The following FAM13C variants were observed in gnomAD, a reference collection of about 807,000 sequenced individuals.
The protein encoded by FAM13C is protein FAM13C.
FAM13C carries 37 observed loss-of-function variants against 73.2 expected under a neutral mutation model. The ratio of observed to expected loss-of-function variants is 0.51; its 90% confidence interval spans 0.39 to 0.67. FAM13C has a LOEUF of 0.67. Ranked by LOEUF, FAM13C falls within the 30% of genes least tolerant of loss-of-function variation. The pLI, the probability that FAM13C is intolerant of heterozygous loss-of-function variation, is 0.00. For missense variants in FAM13C, 589 were observed against 715.6 expected (o/e 0.82, Z 2.02); for synonymous variants, 246 against 260.9 (o/e 0.94, Z 0.55).
chr10:59,328,383 T>A (rs193214644), intron 3 of FAM13C, among the ~76,000 whole-genome samples: 15 of 152,358 alleles, frequency 9.8e-5, no homozygotes, highest in Non-Finnish European at 2.1e-4. Context: ...TGAGTTCAGC[T>A]GACTCTTGTA....
At chr10:59,309,952 T>C (rs959518926) in intron 4 of FAM13C, among the ~76,000 whole-genome samples, 1 of 152,168 alleles carries the variant, frequency 6.6e-6, no homozygotes, top group Non-Finnish European at 1.5e-5. Flanking sequence ...CTTCCACCTA[T>C]AGCATGCTAG....
At chr10:59,288,049 T>C (rs908673132) in intron 5 of FAM13C, among the ~76,000 whole-genome samples, 3 of 152,136 alleles carry the variant, frequency 2.0e-5, no homozygotes, top group Non-Finnish European at 4.4e-5. Context: ...ATGGAGTGGG[T>C]GCTTAGACAC....
intron 5 of FAM13C, among the ~76,000 whole-genome samples, chr10:59,286,350 A>AC (rs113290729): frequency 5.9e-5 from 9 of 151,774 alleles, no homozygotes; most frequent in African/African-American, 2.2e-4. Context: ...CCTCGTCTAT[A>AC]CTAAAAATAT....
chr10:59,351,504 C>T (rs578037937), intron 3 of FAM13C, among the ~76,000 whole-genome samples: 1 of 152,230 alleles, frequency 6.6e-6, no homozygotes, highest in Non-Finnish European at 1.5e-5. Flanking sequence ...AAACCAGATA[C>T]TACACACACA....
Position 59,252,974 on chromosome 10 carries a change from C to A in FAM13C, c.1357G>T (p.Asp453Tyr). 1 of 1,613,764 alleles carries A rather than the reference C, an allele frequency of 6.2e-7. No individual in the cohort carries two copies. The highest frequency in any genetic ancestry group is 1.1e-5 in the South Asian group (1 of 91,050). Reference protein sequence around the residue: ...TIQEEEDSDEDRPQGSQQPSL... With the variant: ...TIQEEEDSDEYRPQGSQQPSL... ...GGTTGTTGGCTTCCCTGTGGACGGT[C>A]TTCATCAGAGTCCTCTTCCTCCTGC... Residue 453 changes from aspartate (D) to tyrosine (Y), a missense_variant, in exon 12 of 14, where the codon GAC becomes TAC. Physicochemically the swap from Asp to Tyr is radical, Grantham distance 160. Coordinates refer to ENST00000618804, the MANE Select transcript of FAM13C (RefSeq NM_198215.4).
intron 3 of FAM13C, among the ~76,000 whole-genome samples, chr10:59,347,101 C>T (rs917984376): frequency 1.3e-5 from 2 of 152,102 alleles, no homozygotes; most frequent in Non-Finnish European, 2.9e-5. Flanking sequence ...AAGAGATAAA[C>T]AAGCAGAAAG....
At chr10:59,303,950 C>T (rs1458978875) in intron 4 of FAM13C, among the ~76,000 whole-genome samples, 1 of 152,046 alleles carries the variant, frequency 6.6e-6, no homozygotes, top group African/African-American at 2.4e-5. Context: ...GAGTTTGAGA[C>T]CAGCCTGGGC....
Position 59,352,265 on chromosome 10 carries a change from G to A in FAM13C, c.324+5C>T. ...GGCAAAAGCCTGAGAAGAGAGAGCT[G>A]CTACCTGACTTTCTCCGTGGCTCCT... On this transcript the variant is annotated splice_donor_5th_base_variant and intron_variant, in intron 3 of 13. Transcript: ENST00000618804. 1 of 1,613,390 alleles carries A rather than the reference G, an allele frequency of 6.2e-7. No individual in the cohort carries two copies. The highest frequency in any genetic ancestry group is 8.5e-7 in the Non-Finnish European group (1 of 1,179,896).
intron 4 of FAM13C, among the ~76,000 whole-genome samples, chr10:59,320,053 T>C (rs1850016159): frequency 6.6e-6 from 1 of 152,142 alleles, no homozygotes; most frequent in Non-Finnish European, 1.5e-5. Flanking sequence ...GCAGGCATTA[T>C]AAATCAAATG....
chr10:59,254,047 G>GAA (rs1210463106), intron 11 of FAM13C: 1 of 347,340 alleles, frequency 2.9e-6, no homozygotes, highest in Non-Finnish European at 5.1e-6. Context: ...TTACAAATTA[G>GAA]AAAATGCCAA....
chr10:59,293,077 T>TTC (rs1455939328), intron 5 of FAM13C, among the ~76,000 whole-genome samples: 1 of 68,480 alleles, frequency 1.5e-5, no homozygotes, highest in Admixed American at 1.4e-4. Context: ...TTCTTTTTTT[T>TTC]TTTTTTTTTT....
intron 4 of FAM13C, among the ~76,000 whole-genome samples, chr10:59,314,324 C>T (rs1849276662): frequency 6.6e-6 from 1 of 152,166 alleles, no homozygotes; most frequent in Non-Finnish European, 1.5e-5. Flanking sequence ...CTGAATGAAG[C>T]TGAACATGCA....
intron 10 of FAM13C, among the ~76,000 whole-genome samples, chr10:59,257,761 T>C (rs1842082335): frequency 6.6e-6 from 1 of 152,188 alleles, no homozygotes; most frequent in African/African-American, 2.4e-5. Flanking sequence ...TTTTGGTCAA[T>C]TTAGATGTTC....
Position 59,279,713 on chromosome 10 carries a change from A to C in FAM13C, c.592+3650T>G, listed in dbSNP as rs115941314. Among the ~76,000 whole-genome samples the C allele has an allele frequency of 6.0e-3, 919 of 152,312 alleles. 14 individuals carry two copies. The highest frequency in any genetic ancestry group is 0.021 in the African/African-American group (867 of 41,566). On this transcript the variant is annotated intron_variant, in intron 6 of 13. Coordinates refer to ENST00000618804, the MANE Select transcript of FAM13C (RefSeq NM_198215.4). ...AATCACATCAGAATAGGTGCTTACT[A>C]ATTCCATGCTGGAAATATTTGCTTC...
chr10:59,360,698 A>T (rs1029251097), intron 1 of FAM13C, among the ~76,000 whole-genome samples: 3 of 152,032 alleles, frequency 2.0e-5, no homozygotes, highest in Non-Finnish European at 4.4e-5. Flanking sequence ...ATATTAGCCA[A>T]ATGGCATACC....
intron 4 of FAM13C, among the ~76,000 whole-genome samples, chr10:59,308,885 C>T (rs758675934): frequency 3.9e-5 from 6 of 152,122 alleles, no homozygotes; most frequent in Admixed American, 6.5e-5. Flanking sequence ...GTGGCCTCCT[C>T]GCAGGAGGTG....
chr10:59,353,283 GAA>G (rs1564627082), intron 2 of FAM13C, among the ~76,000 whole-genome samples: 1 of 152,102 alleles, frequency 6.6e-6, no homozygotes, highest in Non-Finnish European at 1.5e-5. Context: ...ACTCTTATTT[GAA>G]GCCATTCTTC....
Position 59,263,836 on chromosome 10 carries a change from T to C in FAM13C, c.1024+249A>G. On this transcript the variant is annotated intron_variant, in intron 9 of 13. Transcript: ENST00000618804. ...AGTGCTCCACATGTTGAAATGTTCC[T>C]GGCATTGAAGTGAATCATTCCACTT... The C allele has an allele frequency of 2.3e-5, 11 of 484,480 alleles. No individual in the cohort carries two copies. In the South Asian group the frequency reaches 2.5e-4, roughly 11 times the overall value. 30.0% of individuals were successfully genotyped at this position (484,480 alleles called of 1,614,324 possible).
At chr10:59,260,064 C>T (rs139387891) in intron 10 of FAM13C, among the ~76,000 whole-genome samples, 104 of 151,668 alleles carry the variant, frequency 6.9e-4, no homozygotes, top group Non-Finnish European at 1.4e-3. Context: ...CCATCACCAT[C>T]CCGGATTTTT....
Sources: allele counts gnomAD v4.1 joint callset (sites outside exome capture counted in the v4.1 genomes callset), GRCh38; gene constraint gnomAD v4.1.1; transcripts MANE v1.5; gene names NCBI Gene and HGNC (gene_info 2026-07-23, HGNC 2026-07-21).